Variants in DOCK3 observed in about 807,000 individuals in gnomAD.
The protein encoded by DOCK3 is dedicator of cytokinesis protein 3.
Under a neutral mutation model 265.6 loss-of-function variants are expected in DOCK3, and 60 were observed. The observed-to-expected ratio is 0.23, with a 90% CI of 0.18 to 0.28. The LOEUF is 0.28. Ranked by LOEUF, DOCK3 falls within the 10% of genes least tolerant of loss-of-function variation. DOCK3 has a pLI of 1.00. For missense variants in DOCK3, 1,981 were observed against 2,594.3 expected (o/e 0.76, Z 5.14); for synonymous variants, 881 against 938.0 (o/e 0.94, Z 1.11).
chr3:51,129,688 A>G (rs2084425985), intron 9 of DOCK3, among the ~76,000 whole-genome samples: 1 of 152,156 alleles, frequency 6.6e-6, no homozygotes, highest in African/African-American at 2.4e-5. Context: ...TCAAAAGGAC[A>G]GTAGTTATCT....
intron 12 of DOCK3, among the ~76,000 whole-genome samples, chr3:51,187,065 G>A (rs1018079913): frequency 3.9e-5 from 6 of 152,166 alleles, no homozygotes; most frequent in African/African-American, 7.2e-5. Flanking sequence ...TAGATCCACA[G>A]ACAGCTTGCA....
intron 1 of DOCK3, among the ~76,000 whole-genome samples, chr3:50,724,315 A>G (rs1250796111): frequency 6.6e-6 from 1 of 152,188 alleles, no homozygotes; most frequent in Non-Finnish European, 1.5e-5. Context: ...GAATAGAAAT[A>G]CCATTTGACC....
At chr3:50,683,774 T>C (rs1469885387) in intron 1 of DOCK3, among the ~76,000 whole-genome samples, 1 of 151,950 alleles carries the variant, frequency 6.6e-6, no homozygotes, top group Non-Finnish European at 1.5e-5. Flanking sequence ...ACTAAACTTT[T>C]CTCAGAGTTT....
In DOCK3 at chr3:51,374,625, G is replaced by A. The variant is rs1363043681; in HGVS notation, c.5412+38G>A. The A allele has an allele frequency of 1.9e-6, 3 of 1,565,066 alleles. No homozygotes were observed. The highest frequency in any genetic ancestry group is 2.7e-5 in the African/African-American group (2 of 73,760). On this transcript the variant is annotated intron_variant, in intron 50 of 52. Transcript: ENST00000266037. This position sits in a 1 kb window ranked among gnomAD's most constrained non-coding sequence, Gnocchi z 4.8. ...CCACACTGACTGTCCTCTGCTGCAA[G>A]TGTGTTAGCCTGTGCTTCCCTCCTT...
At chr3:51,000,602 A>C (rs1057096818) in intron 5 of DOCK3, among the ~76,000 whole-genome samples, 1 of 152,146 alleles carries the variant, frequency 6.6e-6, no homozygotes, top group African/African-American at 2.4e-5. Context: ...GTTTCTTCTT[A>C]TATTTCAGTG....
intron 5 of DOCK3, among the ~76,000 whole-genome samples, chr3:50,947,399 G>A (rs2076456520): frequency 6.6e-6 from 1 of 151,924 alleles, no homozygotes; most frequent in African/African-American, 2.4e-5. Flanking sequence ...GATTTTCAGT[G>A]TGAAGTAAAT....
At chr3:50,678,700 G>A (rs1057077039) in intron 1 of DOCK3, among the ~76,000 whole-genome samples, 3 of 151,986 alleles carry the variant, frequency 2.0e-5, no homozygotes, top group Non-Finnish European at 4.4e-5. Flanking sequence ...GGAGTGCAGC[G>A]GCATGATCAT....
intron 12 of DOCK3, among the ~76,000 whole-genome samples, chr3:51,162,911 G>A (rs1323418571): frequency 2.0e-5 from 3 of 151,972 alleles, no homozygotes; most frequent in Non-Finnish European, 2.9e-5. Context: ...AGGATTAATA[G>A]AGTTAAAATG....
At chr3:51,020,732 T>C (rs1242524206) in intron 5 of DOCK3, among the ~76,000 whole-genome samples, 1 of 151,994 alleles carries the variant, frequency 6.6e-6, no homozygotes, top group African/African-American at 2.4e-5. Context: ...AGGGAATTCT[T>C]TCCTGTTACT....
rs535419773 is a variant in DOCK3 at position 51,316,614 on chromosome 3, C to T, written c.3402+1486C>T. Among the ~76,000 whole-genome samples the T allele has an allele frequency of 7.2e-5, 11 of 152,318 alleles. 1 individual carries two copies. The highest frequency in any genetic ancestry group is 6.2e-4 in the South Asian group (3 of 4,824). Reference sequence around the variant, plus strand: ...TATAATCGATTGCTCCGCATACTAACCAGTACTTAGTATTATCTGTTCGTT... The same window carrying T: ...TATAATCGATTGCTCCGCATACTAATCAGTACTTAGTATTATCTGTTCGTT... On this transcript the variant is annotated intron_variant, in intron 32 of 52. Coordinates refer to ENST00000266037, the MANE Select transcript of DOCK3 (RefSeq NM_004947.5).
At chr3:51,314,832 GGAGAGTACCTCA>G (rs1239742514) in intron 31 of DOCK3, 136 bp from the exon 32 acceptor site, 1 of 961,598 alleles carries the variant, frequency 1.0e-6, no homozygotes, top group African/African-American at 1.7e-5. Context: ...AAAAGTTGAG[GGAGAGTACCTCA>G]GAAAACCATA....
At chr3:50,798,804 A>G (rs1002645936) in intron 2 of DOCK3, among the ~76,000 whole-genome samples, 2 of 152,028 alleles carry the variant, frequency 1.3e-5, no homozygotes, top group African/African-American at 4.8e-5. Context: ...TGTGTAGACC[A>G]ATGTCCTGAA....
At chr3:50,863,456 A>C (rs775624905) in intron 3 of DOCK3, 1 of 519,902 alleles carries the variant, frequency 1.9e-6, no homozygotes, top group Non-Finnish European at 3.8e-6. Flanking sequence ...GATTCATAGA[A>C]TGTTACAAGG....
chr3:51,356,968 G>T lies in DOCK3; in HGVS notation c.4510G>T (p.Val1504Leu). 6.2e-7 allele frequency: 1 copy of T among 1,612,262 alleles called. No individual in the cohort carries two copies. The highest frequency in any genetic ancestry group is 8.5e-7 in the Non-Finnish European group (1 of 1,179,254). The change falls in exon 44 of 53, where the codon GTG becomes TTG. Residue 1504 changes from valine to leucine, a missense_variant. Val to Leu is a conservative substitution (Grantham distance 32). Around this residue, in one of 4 missense-constraint regions of DOCK3, gnomAD observed 1,357 missense variants for 1,866.8 expected, o/e 0.73. Coordinates refer to ENST00000266037, the MANE Select transcript of DOCK3 (RefSeq NM_004947.5). ...FEVERRELVE[V>L]SPLENAIQVV... The stretch of plus-strand genomic sequence containing the variant: ...GTGTGCTGTGTGCCCCTAGGTGGAG[G>T]TGAGCCCTCTGGAGAATGCCATCCA...
chr3:51,185,272 TAGG>T (rs1375765996), intron 12 of DOCK3, among the ~76,000 whole-genome samples: 2 of 152,220 alleles, frequency 1.3e-5, no homozygotes, highest in Non-Finnish European at 2.9e-5. Flanking sequence ...GTGTTAATAA[TAGG>T]AGAAATTGGG....
intron 5 of DOCK3, among the ~76,000 whole-genome samples, chr3:50,959,061 G>T (rs1024456423): frequency 6.6e-6 from 1 of 152,110 alleles, no homozygotes; most frequent in Non-Finnish European, 1.5e-5. Flanking sequence ...CCCATTTGCC[G>T]TCATTCCTCA....
intron 49 of DOCK3, among the ~76,000 whole-genome samples, chr3:51,373,861 A>C (rs993538510): frequency 3.9e-5 from 6 of 152,288 alleles, no homozygotes; most frequent in African/African-American, 1.4e-4. Flanking sequence ...GCCTGGCTCT[A>C]GGGCTGCAGT....
At chr3:51,290,794 C>T (rs1300352458) in intron 27 of DOCK3, among the ~76,000 whole-genome samples, 3 of 152,096 alleles carry the variant, frequency 2.0e-5, no homozygotes, top group African/African-American at 4.8e-5. Context: ...TAAAAAGAGA[C>T]AGTGGGCTGG....
intron 22 of DOCK3, among the ~76,000 whole-genome samples, chr3:51,249,627 C>T (rs1252087356): frequency 1.3e-5 from 1 of 77,484 alleles, no homozygotes; most frequent in African/African-American, 5.4e-5. Context: ...GCCCGGCCAG[C>T]CGTCCCGTCC....
Sources: allele counts gnomAD v4.1 joint callset (sites outside exome capture counted in the v4.1 genomes callset), GRCh38; gene constraint gnomAD v4.1.1; regional missense constraint gnomAD v4.1.1; non-coding constraint Gnocchi (gnomAD v3.1); transcripts MANE v1.5; gene names NCBI Gene and HGNC (gene_info 2026-07-23, HGNC 2026-07-21).